Variants in TSGA10 observed in about 807,000 individuals in gnomAD.
TSGA10 encodes testis specific 10, also known as testis-specific gene 10 protein.
In TSGA10, 43 loss-of-function variants were observed where a neutral mutation model predicts 96.6. That is an observed-to-expected ratio of 0.44 (90% confidence interval 0.35 to 0.57). The LOEUF (loss-of-function observed/expected upper bound fraction) is 0.57, where lower values mean the gene tolerates loss of function less well. Among genes scored for constraint, TSGA10 ranks in the 20% least tolerant of loss-of-function variants. TSGA10 has a pLI of 0.01. For missense variants in TSGA10, 703 were observed against 834.4 expected (o/e 0.84, Z 1.94); for synonymous variants, 229 against 269.9 (o/e 0.85, Z 1.48).
chr2:99,116,229 GGTT>G (rs947527941), intron 4 of TSGA10, among the ~76,000 whole-genome samples: 2 of 152,122 alleles, frequency 1.3e-5, no homozygotes, highest in Non-Finnish European at 2.9e-5. Flanking sequence ...AAATTCAACA[GGTT>G]GTTTTTTGGC....
chr2:99,085,269 TA>T (rs1172616466), intron 10 of TSGA10, among the ~76,000 whole-genome samples: 6 of 151,032 alleles, frequency 4.0e-5, no homozygotes, highest in African/African-American at 7.3e-5. Flanking sequence ...TTAATTAATT[TA>T]AAAAATGCAT....
intron 16 of TSGA10, among the ~76,000 whole-genome samples, chr2:99,053,777 T>C (rs1191881828): frequency 1.3e-5 from 2 of 151,954 alleles, no homozygotes; most frequent in African/African-American, 4.8e-5. Flanking sequence ...ACTGACAGAA[T>C]GGAAATCAAT....
chr2:99,100,048 T>C (rs1428973436), intron 10 of TSGA10, among the ~76,000 whole-genome samples: 2 of 152,122 alleles, frequency 1.3e-5, no homozygotes, highest in African/African-American at 2.4e-5. Flanking sequence ...TAGAGAGATA[T>C]ACAATGCTTA....
chr2:99,004,578 C>A (rs1164023530), intron 20 of TSGA10, among the ~76,000 whole-genome samples: 1 of 152,112 alleles, frequency 6.6e-6, no homozygotes, highest in East Asian at 1.9e-4. Context: ...TACACGCTCT[C>A]AAGACTAAAC....
Position 99,047,825 on chromosome 2 carries a change from T to C in TSGA10, c.1405-12386A>G, listed in dbSNP as rs865847217. 1.5e-4 allele frequency among the ~76,000 whole-genome samples: 23 copies of C among 152,270 alleles called. No homozygotes were observed. The East Asian group carries it at 2.7e-3, about 18-fold the overall frequency. The stretch of plus-strand genomic sequence containing the variant: ...ATGATTGTATATTTAGAAAACCCCA[T>C]TGTCTCAGCCCAAAATCTCCTTAAG... On this transcript the variant is annotated intron_variant, in intron 16 of 20. Transcript: ENST00000393483.
intron 1 of TSGA10, among the ~76,000 whole-genome samples, chr2:99,129,449 T>C (rs1380635626): frequency 6.6e-6 from 1 of 152,196 alleles, no homozygotes; most frequent in Non-Finnish European, 1.5e-5. Context: ...AAAGTGGGGC[T>C]TTTGCAAAAT....
At chr2:99,017,913 G>A (rs562235993) in intron 20 of TSGA10, among the ~76,000 whole-genome samples, 21 of 151,902 alleles carry the variant, frequency 1.4e-4, no homozygotes, top group African/African-American at 4.8e-4. Flanking sequence ...TTACTGCTAA[G>A]GAACTTATCG....
intron 16 of TSGA10, among the ~76,000 whole-genome samples, chr2:99,047,131 T>A (rs13009999): frequency 0.2 from 29,961 of 152,150 alleles, 3,713 homozygotes; most frequent in East Asian, 0.39. Context: ...CATAGCTGAA[T>A]TCTACAAGAG....
chr2:99,077,120 C>A (rs962204446), intron 12 of TSGA10, among the ~76,000 whole-genome samples: 1 of 143,748 alleles, frequency 7.0e-6, no homozygotes, highest in Non-Finnish European at 1.5e-5. Flanking sequence ...GAAGGCGGAC[C>A]ATTCACCTTT....
chr2:99,052,334 T>G (rs1346270399), intron 16 of TSGA10, among the ~76,000 whole-genome samples: 1 of 152,016 alleles, frequency 6.6e-6, no homozygotes, highest in Non-Finnish European at 1.5e-5. Flanking sequence ...CTGTGAACAA[T>G]TATATGCCAA....
chr2:99,108,811 A>T lies in TSGA10; in HGVS notation c.210+22T>A, dbSNP rs564891346. ...TAGAACTCAATGTTATTACTTATATAATTTGTTTTTTGTAAGTTTACCTGT... is the reference window on the plus strand; with the variant it reads ...TAGAACTCAATGTTATTACTTATATTATTTGTTTTTTGTAAGTTTACCTGT... On this transcript the variant is annotated intron_variant, in intron 7 of 20. Transcript: ENST00000393483. 3.7e-5 allele frequency: 55 copies of T among 1,500,240 alleles called. 1 individual carries two copies. In the South Asian group the frequency reaches 7.4e-4, roughly 20 times the overall value. 92.9% of individuals were successfully genotyped at this position (1,500,240 alleles called of 1,614,324 possible).
At chr2:99,058,352 A>G (rs974376463) in intron 16 of TSGA10, among the ~76,000 whole-genome samples, 1 of 152,222 alleles carries the variant, frequency 6.6e-6, no homozygotes, top group African/African-American at 2.4e-5. Flanking sequence ...AGCACTGTGT[A>G]GGGGAAAATA....
intron 15 of TSGA10, among the ~76,000 whole-genome samples, chr2:99,066,739 A>T (rs954074652): frequency 5.3e-5 from 8 of 152,128 alleles, no homozygotes; most frequent in African/African-American, 1.7e-4. Context: ...AGGCAACACT[A>T]TAAAGAAAAT....
At chr2:99,033,826 C>T (rs1233274921) in intron 17 of TSGA10, among the ~76,000 whole-genome samples, 5 of 151,616 alleles carry the variant, frequency 3.3e-5, no homozygotes, top group African/African-American at 9.7e-5. Flanking sequence ...GGTGACAGAG[C>T]GAAACGAAAC....
chr2:99,068,327 T>C (rs1311883169), intron 15 of TSGA10, among the ~76,000 whole-genome samples: 1 of 152,200 alleles, frequency 6.6e-6, no homozygotes, highest in Admixed American at 6.5e-5. Flanking sequence ...CAATTTTAGA[T>C]AATATTTTAC....
intron 1 of TSGA10, among the ~76,000 whole-genome samples, chr2:99,133,899 T>C (rs2105047790): frequency 6.6e-6 from 1 of 152,370 alleles, no homozygotes; most frequent in East Asian, 1.9e-4. Context: ...TTTAAGAATG[T>C]TGAATACTGA....
intron 17 of TSGA10, among the ~76,000 whole-genome samples, chr2:99,032,536 C>G (rs980762076): frequency 6.6e-6 from 1 of 152,052 alleles, no homozygotes; most frequent in African/African-American, 2.4e-5. Context: ...TATTAAAAGA[C>G]AAGACTTTGG....
At chr2:99,086,311 G>A (rs2088376458) in intron 10 of TSGA10, among the ~76,000 whole-genome samples, 1 of 152,152 alleles carries the variant, frequency 6.6e-6, no homozygotes, top group Admixed American at 6.5e-5. Flanking sequence ...CAATGCTTTT[G>A]GAGAAAGCAT....
intron 4 of TSGA10, among the ~76,000 whole-genome samples, chr2:99,113,998 G>A (rs1319490456): frequency 6.6e-6 from 1 of 152,224 alleles, no homozygotes; most frequent in Non-Finnish European, 1.5e-5. Flanking sequence ...ATAGCCAATA[G>A]TTAATATTGA....
Sources: allele counts gnomAD v4.1 joint callset (sites outside exome capture counted in the v4.1 genomes callset), GRCh38; gene constraint gnomAD v4.1.1; transcripts MANE v1.5; gene names NCBI Gene and HGNC (gene_info 2026-07-23, HGNC 2026-07-21).